MEDAG: variants seen among roughly 807,000 people sequenced by gnomAD.
The protein encoded by MEDAG is mesenteric estrogen-dependent adipogenesis protein.
A neutral mutation model predicts 29.9 loss-of-function variants in MEDAG; 25 were observed. The observed-to-expected ratio is 0.84, with a 90% CI of 0.61 to 1.17. MEDAG has a LOEUF of 1.17. Among genes scored for constraint, MEDAG ranks in the 50% most tolerant of loss-of-function variants. The pLI, the probability that MEDAG is intolerant of heterozygous loss-of-function variation, is 0.00. For missense variants in MEDAG, 398 were observed against 372.9 expected (o/e 1.07, Z -0.56); for synonymous variants, 158 against 148.2 (o/e 1.07, Z -0.48).
chr13:30,922,142 A>T, intron 4 of MEDAG: 1 of 212,878 alleles, frequency 4.7e-6, no homozygotes, highest in South Asian at 1.2e-4. Context: ...TTTAAATATT[A>T]TTGGCAATCA....
At chr13:30,924,196 C>A in intron 4 of MEDAG, 115 bp from the exon 5 acceptor site, 2 of 1,109,766 alleles carry the variant, frequency 1.8e-6, no homozygotes, top group East Asian at 2.6e-5. Context: ...TCTGAGGAAG[C>A]CAGGATTCTC....
intron 2 of MEDAG, 132 bp from the exon 3 acceptor site, chr13:30,920,882 G>A (rs1952976928): frequency 2.9e-6 from 2 of 700,396 alleles, no homozygotes; most frequent in Admixed American, 2.6e-5. Flanking sequence ...AGGTTGTGAG[G>A]GAGCAGAGAG....
intron 4 of MEDAG, among the ~76,000 whole-genome samples, chr13:30,923,713 G>A (rs955569881): frequency 2.6e-5 from 4 of 152,136 alleles, no homozygotes; most frequent in Non-Finnish European, 4.4e-5. Flanking sequence ...AGGATTTTCC[G>A]GTTTCACCAT....
At chr13:30,915,165 C>T (rs985203985) in intron 1 of MEDAG, among the ~76,000 whole-genome samples, 2 of 152,088 alleles carry the variant, frequency 1.3e-5, no homozygotes, top group African/African-American at 4.8e-5. Flanking sequence ...TGTATCCTCA[C>T]CCCCCACGTA....
intron 4 of MEDAG, chr13:30,922,647 T>C (rs11843569): frequency 0.094 from 14,281 of 152,330 alleles, 697 homozygotes; most frequent in African/African-American, 0.12. Context: ...TAACACACTC[T>C]TGATGACATA....
intron 4 of MEDAG, 148 bp downstream of exon 4, chr13:30,921,994 A>G: frequency 1.2e-6 from 1 of 844,088 alleles, no homozygotes; most frequent in Non-Finnish European, 1.7e-6. Context: ...GAAGTGGGGC[A>G]TGTTTATTAC....
At chr13:30,921,978 A>G in intron 4 of MEDAG, 132 bp downstream of exon 4, 3 of 985,348 alleles carry the variant, frequency 3.0e-6, no homozygotes, top group Non-Finnish European at 4.3e-6. Flanking sequence ...AAAATTCAGA[A>G]AGTAAGAAGT....
At chr13:30,909,116 C>CAAAAAAAA (rs10708028) in intron 1 of MEDAG, 1 of 83,480 alleles carries the variant, frequency 1.2e-5, no homozygotes, top group Non-Finnish European at 2.3e-5. Context: ...GACCCTGTCT[C>CAAAAAAAA]AAAAAAAAAA....
At chr13:30,909,683 C>T (rs1189435430) in intron 1 of MEDAG, among the ~76,000 whole-genome samples, 3 of 152,140 alleles carry the variant, frequency 2.0e-5, no homozygotes, top group African/African-American at 7.2e-5. Context: ...TTTAACTCAA[C>T]AAATATTTTT....
Position 30,921,804 on chromosome 13 carries a change from A to G in MEDAG, c.745A>G (p.Arg249Gly). 6.2e-7 allele frequency: 1 copy of G among 1,611,798 alleles called. No homozygotes were observed. Among genetic ancestry groups the G allele is most frequent in the Non-Finnish European group, 8.5e-7 (1 of 1,179,368 alleles). ...LEKMSEPLIR[R>G]SSFSDRKFSV... ...AAAAATGAGTGAGCCTTTAATCCGAAGGAGCAGTTTCTCTGACCGAAAGTT... is the reference window on the plus strand; with the variant it reads ...AAAAATGAGTGAGCCTTTAATCCGAGGGAGCAGTTTCTCTGACCGAAAGTT... Residue 249 changes from arginine (R) to glycine (G), a missense_variant, in exon 4 of 5, where the codon AGG (arginine) becomes GGG (glycine). Transcript: ENST00000380482.
chr13:30,912,798 T>A (rs1248952636), intron 1 of MEDAG, among the ~76,000 whole-genome samples: 1 of 152,210 alleles, frequency 6.6e-6, no homozygotes, highest in African/African-American at 2.4e-5. Flanking sequence ...AAGGAGCAAC[T>A]CTTGCTCATT....
intron 1 of MEDAG, among the ~76,000 whole-genome samples, chr13:30,909,287 G>C (rs1033758069): frequency 6.6e-6 from 1 of 151,964 alleles, no homozygotes; most frequent in African/African-American, 2.4e-5. Context: ...AGATTTCCTC[G>C]AGGCCAGGCA....
intron 2 of MEDAG, among the ~76,000 whole-genome samples, chr13:30,920,019 C>T (rs1320797505): frequency 3.9e-5 from 6 of 152,164 alleles, no homozygotes; most frequent in Non-Finnish European, 5.9e-5. Flanking sequence ...AGGACAGACA[C>T]GTGGTATTAT....
rs1186253212 is a variant in MEDAG, at chr13:30,921,589, T to C, written c.530T>C (p.Phe177Ser). Residue 177 changes from phenylalanine to serine, a missense_variant, in exon 4 of 5, where the codon TTC (phenylalanine) becomes TCC (serine). Transcript: ENST00000380482. ...QFDFQEAVKNFFPPGNEVVNG... is the reference protein window; with the variant it reads ...QFDFQEAVKNSFPPGNEVVNG... ...GATTTTCAAGAGGCAGTGAAGAATT[T>C]CTTCCCCCCAGGAAATGAAGTGGTT... 1 of 1,607,780 alleles carries C rather than the reference T, an allele frequency of 6.2e-7. No individual in the cohort carries two copies. Among genetic ancestry groups the C allele is most frequent in the Non-Finnish European group, 8.5e-7 (1 of 1,178,334 alleles).
intron 2 of MEDAG, among the ~76,000 whole-genome samples, chr13:30,918,050 C>T (rs1256993370): frequency 6.6e-6 from 1 of 152,136 alleles, no homozygotes; most frequent in African/African-American, 2.4e-5. Context: ...CACATGCCTG[C>T]AGAACAAACC....
At chr13:30,914,195 T>G (rs1952906616) in intron 1 of MEDAG, among the ~76,000 whole-genome samples, 1 of 152,192 alleles carries the variant, frequency 6.6e-6, no homozygotes, top group Non-Finnish European at 1.5e-5. Flanking sequence ...GATCTTATCG[T>G]GTTTTAGTGA....
chr13:30,916,672 A>G (rs1418198414), intron 1 of MEDAG: 3 of 152,230 alleles, frequency 2.0e-5, no homozygotes, highest in African/African-American at 7.2e-5. Flanking sequence ...GGACCTTTTT[A>G]TGAACAATGC....
intron 1 of MEDAG, among the ~76,000 whole-genome samples, chr13:30,915,642 GC>G (rs1413856102): frequency 2.0e-5 from 3 of 151,966 alleles, no homozygotes; most frequent in African/African-American, 7.3e-5. Flanking sequence ...CAGCTGATGT[GC>G]AACACCAGCA....
At position 30,921,011 on chromosome 13, in the gene MEDAG, T is replaced by C. The variant is rs368752389; in HGVS notation, c.389-3T>C. ...TTTCTGAATTCTGCTTGCTAATTTC[T>C]AGAAAGGACGTACGCGTTTCTTGTA... On this transcript the variant is annotated splice_region_variant and splice_polypyrimidine_tract_variant and intron_variant, in intron 2 of 4. Transcript: ENST00000380482. The C allele has an allele frequency of 1.2e-4, 189 of 1,612,186 alleles. 2 individuals are homozygous for C. Among genetic ancestry groups the C allele is most frequent in the Non-Finnish European group, 1.5e-4 (182 of 1,178,882 alleles).
Sources: gnomAD v4.1 joint callset for allele counts (sites outside exome capture counted in the v4.1 genomes callset) on GRCh38, gnomAD v4.1.1 for gene constraint, MANE v1.5 for transcripts, NCBI Gene and HGNC (gene_info 2026-07-23, HGNC 2026-07-21) for gene names.